The following GALNT2 variants were observed in gnomAD, a reference collection of about 807,000 sequenced individuals.
The protein encoded by GALNT2 is UDP-GalNAc:polypeptide N-acetylgalactosaminyltransferase 2.
GALNT2 carries 31 observed loss-of-function variants against 81.4 expected under a neutral mutation model. The ratio of observed to expected loss-of-function variants is 0.38; its 90% CI spans 0.29 to 0.51. The LOEUF is 0.51. Ranked by LOEUF, GALNT2 falls within the 20% of genes least tolerant of loss-of-function variation. GALNT2 has a pLI of 0.87. For missense variants in GALNT2, 629 were observed against 765.7 expected (o/e 0.82, Z 2.11); for synonymous variants, 303 against 287.4 (o/e 1.05, Z -0.55).
chr1:230,126,311 T>C (rs1661174327), intron 1 of GALNT2, among the ~76,000 whole-genome samples: 1 of 151,992 alleles, frequency 6.6e-6, no homozygotes, highest in Non-Finnish European at 1.5e-5. Flanking sequence ...CTCTGCAGAA[T>C]GTGGAAAGGG....
chr1:230,265,713 C>T lies in GALNT2; in HGVS notation c.1440+346C>T, dbSNP rs1307332465. Among the ~76,000 whole-genome samples the T allele has an allele frequency of 5.3e-5, 8 of 152,344 alleles. No individual in the cohort carries two copies. The South Asian group carries it at 1.2e-3, about 24-fold the overall frequency. On this transcript the variant is annotated intron_variant, in intron 14 of 15. Transcript: ENST00000366672. ...CCGCAAAGCACCCATTCTGCCTCTG[C>T]GTCTGGCCCCAGAATATGATGTCTA...
chr1:230,236,854 G>A (rs113963978), intron 6 of GALNT2, 129 bp downstream of exon 6: 8 of 800,384 alleles, frequency 1.0e-5, no homozygotes, highest in African/African-American at 7.0e-5. Context: ...TACCAGAGCC[G>A]CTTGGGAGAC....
At chr1:230,066,945 G>C (rs937114278), upstream of GALNT2, among the ~76,000 whole-genome samples, 22 of 150,548 alleles carry the variant, frequency 1.5e-4, no homozygotes, top group African/African-American at 5.1e-4. Context: ...GGCGGAGCCC[G>C]GCGTGCTGCA....
At chr1:230,209,784 A>G (rs1429982077) in intron 3 of GALNT2, among the ~76,000 whole-genome samples, 2 of 151,898 alleles carry the variant, frequency 1.3e-5, no homozygotes, top group Non-Finnish European at 2.9e-5. Flanking sequence ...CTGAGCCTGC[A>G]CTGCACTTCA....
At chr1:230,186,774 A>T (rs777575122) in intron 2 of GALNT2, among the ~76,000 whole-genome samples, 6 of 152,366 alleles carry the variant, frequency 3.9e-5, no homozygotes, top group Admixed American at 1.3e-4. Flanking sequence ...ATCAGAATGT[A>T]CTGATTTGCC....
intron 14 of GALNT2, among the ~76,000 whole-genome samples, chr1:230,266,062 C>CG (rs1666029425): frequency 6.6e-6 from 1 of 152,128 alleles, no homozygotes; most frequent in South Asian, 2.1e-4. Context: ...AGCGTGGTGG[C>CG]GGGCACCTGT....
At chr1:230,063,313 A>C (rs541751986), upstream of GALNT2, among the ~76,000 whole-genome samples, 3 of 152,148 alleles carry the variant, frequency 2.0e-5, no homozygotes, top group Admixed American at 6.5e-5. Flanking sequence ...TCCACCAAAA[A>C]AAAAAAAAAA....
chr1:230,146,413 A>G (rs1558108545), intron 1 of GALNT2, among the ~76,000 whole-genome samples: 1 of 152,164 alleles, frequency 6.6e-6, no homozygotes, highest in Non-Finnish European at 1.5e-5. Flanking sequence ...TATTTCCTTA[A>G]TATGGACAGT....
intron 1 of GALNT2, among the ~76,000 whole-genome samples, chr1:230,137,921 G>A (rs765074305): frequency 2.6e-5 from 4 of 152,092 alleles, no homozygotes; most frequent in Admixed American, 6.5e-5. Context: ...CATTATTATC[G>A]TTTCCTAGGT....
chr1:230,178,720 C>G (rs979752844), intron 2 of GALNT2, among the ~76,000 whole-genome samples: 1 of 151,988 alleles, frequency 6.6e-6, no homozygotes, highest in South Asian at 2.1e-4. Context: ...GTCAGTATCC[C>G]CCAACAGAGT....
In GALNT2 at chr1:230,184,191, C is replaced by CTT. The variant is rs112931942; in HGVS notation, c.220+5894_220+5895dup. 2.8e-4 allele frequency among the ~76,000 whole-genome samples: 39 copies of CTT among 139,246 alleles called. 1 individual carries two copies. The highest frequency in any genetic ancestry group is 1.1e-3 in the East Asian group (5 of 4,748). The allele number at this position is 139,246 out of a possible 152,430, so 91.4% of individuals were successfully genotyped here. A position where few individuals can be genotyped will look rare whatever the true frequency, so the allele number is the denominator to read the frequency against. On this transcript the variant is annotated intron_variant, in intron 2 of 15. Coordinates refer to ENST00000366672, the MANE Select transcript of GALNT2 (RefSeq NM_004481.5). Reference sequence around the variant, plus strand: ...CCCTTCTTCATCTTTGAAGATCAATCTTTTTTTTTTTTTTTGCGACAGAGT... The same window carrying CTT: ...CCCTTCTTCATCTTTGAAGATCAATCTTTTTTTTTTTTTTTTTGCGACAGAGT...
At chr1:230,069,317 A>G (rs1182567179) in intron 1 of GALNT2, among the ~76,000 whole-genome samples, 1 of 151,730 alleles carries the variant, frequency 6.6e-6, no homozygotes, top group Non-Finnish European at 1.5e-5. Context: ...TCCTGGTGGC[A>G]ATATAGACAG....
intron 10 of GALNT2, among the ~76,000 whole-genome samples, chr1:230,253,091 G>A (rs556660109): frequency 2.3e-4 from 35 of 152,060 alleles, no homozygotes; most frequent in Non-Finnish European, 4.0e-4. Flanking sequence ...CAGGTGATCC[G>A]CCTGCCTCGG....
chr1:230,239,218 C>T (rs1022315376), intron 6 of GALNT2, among the ~76,000 whole-genome samples: 3 of 152,048 alleles, frequency 2.0e-5, no homozygotes, highest in Non-Finnish European at 2.9e-5. Flanking sequence ...TGTTCATCGA[C>T]GCTGTTCATT....
intron 1 of GALNT2, among the ~76,000 whole-genome samples, chr1:230,125,246 C>T (rs1661138467): frequency 6.6e-6 from 1 of 152,130 alleles, no homozygotes. Context: ...GTGCAGGATC[C>T]CTTTCCCACA....
At chr1:230,145,152 C>T (rs898087678) in intron 1 of GALNT2, among the ~76,000 whole-genome samples, 2 of 152,188 alleles carry the variant, frequency 1.3e-5, no homozygotes, top group Non-Finnish European at 2.9e-5. Context: ...GTGGGCCCCT[C>T]CTGCCTCAGT....
intron 3 of GALNT2, among the ~76,000 whole-genome samples, chr1:230,232,654 G>C (rs576545088): frequency 4.6e-5 from 7 of 152,330 alleles, no homozygotes; most frequent in Non-Finnish European, 7.3e-5. Context: ...GCCTCCTAAC[G>C]CGGAGTCCTT....
intron 1 of GALNT2, among the ~76,000 whole-genome samples, chr1:230,097,952 G>C (rs979853954): frequency 6.6e-6 from 1 of 152,160 alleles, no homozygotes; most frequent in Non-Finnish European, 1.5e-5. Context: ...GAGTTAATAC[G>C]TATGAATGTC....
intron 11 of GALNT2, among the ~76,000 whole-genome samples, chr1:230,261,689 G>A (rs1408039990): frequency 6.6e-6 from 1 of 152,222 alleles, no homozygotes; most frequent in African/African-American, 2.4e-5. Context: ...TTCTCTCTAT[G>A]AGATTTAAGT....
Sources: gnomAD v4.1 joint callset for allele counts (sites outside exome capture counted in the v4.1 genomes callset) on GRCh38, gnomAD v4.1.1 for gene constraint, MANE v1.5 for transcripts, NCBI Gene and HGNC (gene_info 2026-07-23, HGNC 2026-07-21) for gene names.